The following SNX29 variants were observed in gnomAD, a reference collection of about 807,000 sequenced individuals.
SNX29 encodes sorting nexin 29.
SNX29 carries 78 observed loss-of-function variants against 102.1 expected under a neutral mutation model. The ratio of observed to expected loss-of-function variants is 0.76; its 90% CI spans 0.64 to 0.92. The LOEUF is 0.92. SNX29 is among the 40% of genes least tolerant of loss of function. The pLI is 0.00. For missense variants in SNX29, 1,280 were observed against 1,061.7 expected (o/e 1.21, Z -2.86); for synonymous variants, 580 against 414.5 (o/e 1.40, Z -4.85).
intron 15 of SNX29, among the ~76,000 whole-genome samples, chr16:12,283,308 G>GTTGTT (rs1567395272): frequency 2.0e-5 from 3 of 150,526 alleles, no homozygotes; most frequent in African/African-American, 7.4e-5. Context: ...CCTAGATGGA[G>GTTGTT]TTGTTTTTTT....
chr16:12,536,295 C>T (rs929991413), intron 20 of SNX29, among the ~76,000 whole-genome samples: 10 of 152,096 alleles, frequency 6.6e-5, no homozygotes, highest in South Asian at 2.1e-4. Flanking sequence ...CTCACTAGCT[C>T]GTTCTGGGAA....
intron 3 of SNX29, among the ~76,000 whole-genome samples, chr16:12,026,056 C>T (rs1350967205): frequency 2.0e-5 from 3 of 152,114 alleles, no homozygotes; most frequent in Non-Finnish European, 2.9e-5. Flanking sequence ...TGATAAACAC[C>T]TGGAGTATTG....
chr16:12,327,236 T>G (rs1381841904), intron 15 of SNX29, among the ~76,000 whole-genome samples: 2 of 152,130 alleles, frequency 1.3e-5, no homozygotes, highest in African/African-American at 4.8e-5. Flanking sequence ...AAGCTTCCTT[T>G]CTAGTGATGG....
At chr16:12,076,010 C>G (rs1385406121) in intron 10 of SNX29, among the ~76,000 whole-genome samples, 1 of 152,168 alleles carries the variant, frequency 6.6e-6, no homozygotes, top group Non-Finnish European at 1.5e-5. Context: ...GTTTCCTAAG[C>G]CCTTCGGAAA....
At chr16:12,156,689 A>G (rs1043874154) in intron 13 of SNX29, among the ~76,000 whole-genome samples, 1 of 152,256 alleles carries the variant, frequency 6.6e-6, no homozygotes, top group African/African-American at 2.4e-5. Flanking sequence ...CTCATCTGCA[A>G]GGCAGGCCTC....
chr16:12,123,924 C>G (rs908571323), intron 11 of SNX29, among the ~76,000 whole-genome samples: 4 of 152,124 alleles, frequency 2.6e-5, no homozygotes, highest in Non-Finnish European at 5.9e-5. Context: ...CTTTACTGGT[C>G]CCTGCTTTAT....
chr16:12,485,527 C>G (rs1384407258), intron 19 of SNX29, among the ~76,000 whole-genome samples: 2 of 152,180 alleles, frequency 1.3e-5, no homozygotes, highest in East Asian at 1.9e-4. Flanking sequence ...GAGGAACCGA[C>G]TGGTACTCGC....
At chr16:12,489,814 C>CT (rs913778562) in intron 19 of SNX29, among the ~76,000 whole-genome samples, 13 of 151,774 alleles carry the variant, frequency 8.6e-5, no homozygotes, top group African/African-American at 1.9e-4. Flanking sequence ...TTGGCTTTTT[C>CT]TTTTTTTTCG....
intron 16 of SNX29, among the ~76,000 whole-genome samples, chr16:12,371,907 C>G (rs2082698133): frequency 6.6e-6 from 1 of 152,058 alleles, no homozygotes; most frequent in Admixed American, 6.6e-5. Flanking sequence ...CCTCCTGTTC[C>G]TTCTACTTCC....
intron 11 of SNX29, among the ~76,000 whole-genome samples, chr16:12,079,478 C>T (rs543565712): frequency 3.2e-4 from 48 of 152,150 alleles, no homozygotes; most frequent in East Asian, 1.7e-3. Flanking sequence ...GTCCCATGGC[C>T]TCCCCTGGAG....
intron 13 of SNX29, among the ~76,000 whole-genome samples, chr16:12,168,782 G>T (rs1284504117): frequency 6.6e-6 from 1 of 152,152 alleles, no homozygotes; most frequent in Admixed American, 6.5e-5. Flanking sequence ...TTCTATCAAC[G>T]CATTCTGGTA....
intron 11 of SNX29, chr16:12,095,048 A>T (rs561795906): frequency 6.6e-6 from 1 of 152,308 alleles, no homozygotes; most frequent in South Asian, 2.1e-4. Context: ...TTAGGAAGGC[A>T]GTAGATGCAT....
At chr16:12,364,609 G>C (rs1422929830) in intron 16 of SNX29, among the ~76,000 whole-genome samples, 1 of 152,116 alleles carries the variant, frequency 6.6e-6, no homozygotes, top group African/African-American at 2.4e-5. Flanking sequence ...AGTTATAGAG[G>C]TCAATTAAAG....
intron 13 of SNX29, among the ~76,000 whole-genome samples, chr16:12,186,660 C>T (rs1001795325): frequency 3.3e-5 from 5 of 152,194 alleles, no homozygotes; most frequent in African/African-American, 1.2e-4. Flanking sequence ...CTGAAGGGTC[C>T]TGTCTCTTTA....
At chr16:12,293,961 G>T (rs2079891101) in intron 15 of SNX29, among the ~76,000 whole-genome samples, 2 of 152,206 alleles carry the variant, frequency 1.3e-5, no homozygotes, top group Admixed American at 1.3e-4. Context: ...GCTATACAGA[G>T]GAGGAAACTG....
intron 13 of SNX29, among the ~76,000 whole-genome samples, chr16:12,152,181 G>C (rs1040570354): frequency 1.3e-5 from 2 of 151,900 alleles, no homozygotes. Flanking sequence ...AGACTGTGCC[G>C]TTGCACTCCA....
intron 14 of SNX29, among the ~76,000 whole-genome samples, chr16:12,234,834 C>G (rs769653876): frequency 2.0e-5 from 3 of 152,194 alleles, no homozygotes; most frequent in Admixed American, 6.5e-5. Context: ...CATAGGCACT[C>G]AGAAGATACC....
rs568658434 is a variant in SNX29, at chr16:12,244,223, C to T, written c.1679-33710C>T. Among the ~76,000 whole-genome samples, 5 of 152,308 alleles carry T rather than the reference C, an allele frequency of 3.3e-5. No individual in the cohort carries two copies. In the East Asian group the frequency reaches 9.6e-4, roughly 29 times the overall value. ...CTAACAGGCCACAACCATTACAGGT[C>T]TGTGGCCTTGGGGGTTGGAGACCCC... On this transcript the variant is annotated intron_variant, in intron 14 of 20. Transcript: ENST00000566228.
intron 15 of SNX29, among the ~76,000 whole-genome samples, chr16:12,317,619 G>A (rs1467265758): frequency 6.6e-6 from 1 of 152,190 alleles, no homozygotes; most frequent in Non-Finnish European, 1.5e-5. Flanking sequence ...TCCTCACCCT[G>A]TGAGCAATTC....
Sources: gnomAD v4.1 joint callset for allele counts (sites outside exome capture counted in the v4.1 genomes callset) on GRCh38, gnomAD v4.1.1 for gene constraint, MANE v1.5 for transcripts, NCBI Gene and HGNC (gene_info 2026-07-23, HGNC 2026-07-21) for gene names.